Variants in HOXD12 observed in about 807,000 individuals in gnomAD.
HOXD12 encodes homeobox protein Hox-D12.
HOXD12 carries 21 observed loss-of-function variants against 20.2 expected under a neutral mutation model. That is an observed-to-expected ratio of 1.04 (90% CI 0.74 to 1.50). The LOEUF (loss-of-function observed/expected upper bound fraction) is 1.50. HOXD12 is among the 40% of genes most tolerant of loss of function. HOXD12 has a pLI of 0.00. For synonymous variants in HOXD12, 196 were observed against 168.8 expected, an observed-to-expected ratio of 1.16 and a Z score of -1.25; for missense variants, 472 against 365.5, an observed-to-expected ratio of 1.29 and a Z score of -2.38.
At position 176,100,871 on chromosome 2, in the gene HOXD12, T is replaced by G. The variant is rs1689485679; in HGVS notation, c.*111T>G. On this transcript the variant is annotated 3_prime_UTR_variant, in exon 2 of 2. Coordinates refer to ENST00000406506, the MANE Select transcript of HOXD12 (RefSeq NM_021193.4). Reference sequence around the variant, plus strand: ...GCTTTTCCTTCGGTTCCTTCTCTGCTGGCCCCAGAAGCCACCAAGAGATTT... The same window carrying G: ...GCTTTTCCTTCGGTTCCTTCTCTGCGGGCCCCAGAAGCCACCAAGAGATTT... 1 of 742,956 alleles carries G rather than the reference T, an allele frequency of 1.3e-6. No individual in the cohort carries two copies. The highest frequency in any genetic ancestry group is 2.7e-5 in the East Asian group (1 of 37,188). The allele number at this position is 742,956 out of a possible 1,614,324, so 46.0% of individuals were successfully genotyped here.
chr2:176,100,341 C>A lies in HOXD12; in HGVS notation c.540C>A (p.Gly180=). The change falls in exon 1 of 2, where the codon GGC becomes GGA. Residue 180 remains glycine (G), a synonymous_variant. Coordinates refer to ENST00000406506, the MANE Select transcript of HOXD12 (RefSeq NM_021193.4). ...TGAACATGACAGTGCAGGCGGCGGG[C>A]GTTGCCTCTTGCCTGCGACCTTCAC... is the stretch of plus-strand genomic sequence containing the variant. The part of the protein sequence containing the change: ...LNLNMTVQAA[G]VASCLRPSLP... 1 of 1,612,636 alleles carries A rather than the reference C, an allele frequency of 6.2e-7. No homozygotes were observed. Among genetic ancestry groups the A allele is most frequent in the Non-Finnish European group, 8.5e-7 (1 of 1,179,848 alleles).
chr2:176,100,616 C>T lies in HOXD12; in HGVS notation c.669C>T (p.Val223=), dbSNP rs1380723016. Residue 223 remains valine, a synonymous_variant, in exon 2 of 2, where the codon GTC becomes GTT. Transcript: ENST00000406506. ...QIAELENEFL[V]NEFINRQKRK... ...CGGAGTTGGAGAACGAATTCCTCGT[C>T]AACGAATTCATCAACAGGCAGAAAC... 6.2e-7 allele frequency: 1 copy of T among 1,613,458 alleles called. No individual in the cohort carries two copies. The highest frequency in any genetic ancestry group is 2.2e-5 in the East Asian group (1 of 44,866).
In HOXD12 at chr2:176,099,835, G is replaced by A. The variant is rs1689461320; in HGVS notation, c.34G>A (p.Val12Met). ...CERSLYRAGY[V>M]GSLLNLQSPD... ...GCGCAGTCTCTACAGAGCGGGCTAT[G>A]TGGGCTCGCTTCTGAATCTGCAGTC... Residue 12 changes from valine to methionine, a missense_variant, in exon 1 of 2, where the codon GTG (valine) becomes ATG (methionine). Transcript: ENST00000406506. 6.5e-7 allele frequency: 1 copy of A among 1,548,994 alleles called. No individual in the cohort carries two copies. The highest frequency in any genetic ancestry group is 8.7e-7 in the Non-Finnish European group (1 of 1,154,662).
rs1298964850 is a variant in HOXD12, at chr2:176,102,078, T to C, written c.*1318T>C. On this transcript the variant is annotated 3_prime_UTR_variant, in exon 2 of 2. Coordinates refer to ENST00000406506, the MANE Select transcript of HOXD12 (RefSeq NM_021193.4). ...GTTCCCAAATGCCAGGTGGAGTTGT[T>C]CTGGGTGTACTGGAGTGTCCCGCCT... 6.6e-6 allele frequency among the ~76,000 whole-genome samples: 1 copy of C among 152,212 alleles called. No individual in the cohort carries two copies. Among genetic ancestry groups the C allele is most frequent in the African/African-American group, 2.4e-5 (1 of 41,452 alleles).
Position 176,100,209 on chromosome 2 carries a change from G to C in HOXD12, c.408G>C (p.Lys136Asn), listed in dbSNP as rs1229035328. The C allele has an allele frequency of 1.2e-6, 2 of 1,612,338 alleles. No homozygotes were observed. Among genetic ancestry groups the C allele is most frequent in the Non-Finnish European group, 1.7e-6 (2 of 1,179,786 alleles). Residue 136 changes from lysine (K) to asparagine (N), a missense_variant, in exon 1 of 2, where the codon AAG becomes AAC. Physicochemically the swap from Lys to Asn is moderately conservative, Grantham distance 94 (BLOSUM62 0). Transcript: ENST00000406506. ...APAVAALKAA[K>N]YDYAGVGRAT... ...CAGTGGCTGCTCTCAAAGCGGCCAA[G>C]TATGACTACGCTGGTGTGGGTCGTG...
At position 176,100,378 on chromosome 2, in the gene HOXD12, A is replaced by G; in HGVS notation, c.574+3A>G. 4 of 1,612,384 alleles carry G rather than the reference A, an allele frequency of 2.5e-6. No homozygotes were observed. The highest frequency in any genetic ancestry group is 3.4e-6 in the Non-Finnish European group (4 of 1,179,670). ...CCTGCGACCTTCACTGCCCGACGGTAAACGGTGCCCATGCTCCCCGGGCCG... is the reference window on the plus strand; with the variant it reads ...CCTGCGACCTTCACTGCCCGACGGTGAACGGTGCCCATGCTCCCCGGGCCG... On this transcript the variant is annotated splice_donor_region_variant and intron_variant, in intron 1 of 1. Coordinates refer to ENST00000406506, the MANE Select transcript of HOXD12 (RefSeq NM_021193.4).
Position 176,100,782 on chromosome 2 carries a change from G to T in HOXD12, c.*22G>T. The T allele has an allele frequency of 2.0e-6, 3 of 1,530,206 alleles. No homozygotes were observed. Among genetic ancestry groups the T allele is most frequent in the Non-Finnish European group, 2.7e-6 (3 of 1,107,640 alleles). 94.8% of individuals were successfully genotyped at this position (1,530,206 alleles called of 1,614,324 possible). On this transcript the variant is annotated 3_prime_UTR_variant, in exon 2 of 2. Coordinates refer to ENST00000406506, the MANE Select transcript of HOXD12 (RefSeq NM_021193.4). ...CTAGCCGCGCGCGTGGCCAGGGCCG[G>T]GTTGGATCTGCCCTTTTGGACAGAG...
In HOXD12 at chr2:176,099,978, C is replaced by A. The variant is rs1559110816; in HGVS notation, c.177C>A (p.Ala59=). Residue 59 remains alanine (A), a synonymous_variant, in exon 1 of 2, where the codon GCC becomes GCA. Coordinates refer to ENST00000406506, the MANE Select transcript of HOXD12 (RefSeq NM_021193.4). ...LPWAATPASC[A]PAQPAGATAF... The stretch of plus-strand genomic sequence containing the variant: ...GGGCCGCCACGCCCGCCTCCTGCGC[C>A]CCCGCGCAGCCTGCGGGCGCCACTG... 1 of 1,590,350 alleles carries A rather than the reference C, an allele frequency of 6.3e-7. No individual in the cohort carries two copies. The highest frequency in any genetic ancestry group is 8.6e-7 in the Non-Finnish European group (1 of 1,168,772).
intron 1 of HOXD12, 72 bp downstream of exon 1, chr2:176,100,447 G>A: frequency 6.3e-7 from 1 of 1,596,974 alleles, no homozygotes; most frequent in Non-Finnish European, 8.6e-7. Context: ...AGAGTGTAAG[G>A]GGAGGTGAAC....
Position 176,099,936 on chromosome 2 carries a change from G to C in HOXD12, c.135G>C (p.Pro45=), listed in dbSNP as rs768830297. The C allele has an allele frequency of 4.4e-6, 7 of 1,592,324 alleles. No individual in the cohort carries two copies. The Admixed American group carries it at 5.3e-5, about 12-fold the overall frequency. The change falls in exon 1 of 2, where the codon CCG becomes CCC. Residue 45 remains proline (P), a synonymous_variant. Coordinates refer to ENST00000406506, the MANE Select transcript of HOXD12 (RefSeq NM_021193.4). ...CCGCGCTTCCCCCTATCTCCTACCCGCGCGGCGCGCTGCCCTGGGCCGCCA... is the reference window on the plus strand; with the variant it reads ...CCGCGCTTCCCCCTATCTCCTACCCCCGCGGCGCGCTGCCCTGGGCCGCCA... The part of the protein sequence containing the change: ...QLAALPPISY[P]RGALPWAATP...
intron 1 of HOXD12, 64 bp from the exon 2 acceptor site, chr2:176,100,458 C>T: frequency 6.3e-7 from 1 of 1,589,384 alleles, no homozygotes; most frequent in East Asian, 2.3e-5. Context: ...GGAGGTGAAC[C>T]GCCTGGGGGC....
chr2:176,100,569 C>T lies in HOXD12; in HGVS notation c.622C>T (p.Pro208Ser). Residue 208 changes from proline (P) to serine (S), a missense_variant, in exon 2 of 2, where the codon CCC becomes TCC. By Grantham distance (74) the Pro-to-Ser change is moderately conservative. Coordinates refer to ENST00000406506, the MANE Select transcript of HOXD12 (RefSeq NM_021193.4). ...GGGGAGGGCCCGCAAGAAGCGGAAA[C>T]CCTACACGAAGCAGCAGATTGCGGA... The part of the protein sequence containing the change: ...APGRARKKRK[P>S]YTKQQIAELE... 1.2e-6 allele frequency: 2 copies of T among 1,611,914 alleles called. No individual in the cohort carries two copies. The highest frequency in any genetic ancestry group is 1.7e-6 in the Non-Finnish European group (2 of 1,178,996).
In HOXD12 at chr2:176,100,588, T is replaced by A; in HGVS notation, c.641T>A (p.Ile214Asn). The change falls in exon 2 of 2, where the codon ATT becomes AAT. Residue 214 changes from isoleucine (I) to asparagine (N), a missense_variant. Coordinates refer to ENST00000406506, the MANE Select transcript of HOXD12 (RefSeq NM_021193.4). The part of the protein sequence containing the change: ...KKRKPYTKQQ[I>N]AELENEFLVN... ...CGGAAACCCTACACGAAGCAGCAGA[T>A]TGCGGAGTTGGAGAACGAATTCCTC... 1 of 1,612,972 alleles carries A rather than the reference T, an allele frequency of 6.2e-7. No individual in the cohort carries two copies. Among genetic ancestry groups the A allele is most frequent in the Non-Finnish European group, 8.5e-7 (1 of 1,179,486 alleles).
rs371620811 is a variant in HOXD12, at chr2:176,100,187, T to C, written c.386T>C (p.Val129Ala). Residue 129 changes from valine (V) to alanine (A), a missense_variant, in exon 1 of 2, where the codon GTG becomes GCG. Transcript: ENST00000406506. ...CCCGAGTCTAGCCTGGCTCCTGCAG[T>C]GGCTGCTCTCAAAGCGGCCAAGTAT... is the stretch of plus-strand genomic sequence containing the variant. ...FAPESSLAPA[V>A]AALKAAKYDY... is the part of the protein sequence containing the mutation. The C allele has an allele frequency of 9.4e-5, 152 of 1,612,074 alleles. No homozygotes were observed. The highest frequency in any genetic ancestry group is 8.3e-4 in the South Asian group (76 of 91,072).
In HOXD12 at chr2:176,100,005, C is replaced by T. The variant is rs376832205; in HGVS notation, c.204C>T (p.Ala68=). 4.5e-6 allele frequency: 7 copies of T among 1,561,110 alleles called. No homozygotes were observed. The African/African-American group carries it at 8.1e-5, about 18-fold the overall frequency. Residue 68 remains alanine (A), a synonymous_variant, in exon 1 of 2, where the codon GCC becomes GCT. Coordinates refer to ENST00000406506, the MANE Select transcript of HOXD12 (RefSeq NM_021193.4). ...CAPAQPAGAT[A]FGGFSQPYLA... The stretch of plus-strand genomic sequence containing the variant: ...CCGCGCAGCCTGCGGGCGCCACTGC[C>T]TTCGGCGGCTTCTCGCAGCCCTACC...
rs1449714482 is a variant in HOXD12 at position 176,101,548 on chromosome 2, C to T, written c.*788C>T. ...TCCAGACAAGACTGGCAAACATTGC[C>T]CTACTCCCACCTTCTCAAACATGCC... On this transcript the variant is annotated 3_prime_UTR_variant, in exon 2 of 2. Coordinates refer to ENST00000406506, the MANE Select transcript of HOXD12 (RefSeq NM_021193.4). Among the ~76,000 whole-genome samples, 1 of 152,124 alleles carries T rather than the reference C, an allele frequency of 6.6e-6. No individual in the cohort carries two copies.
Position 176,101,672 on chromosome 2 carries a change from GA to G in HOXD12, c.*917del, listed in dbSNP as rs1205147073. On this transcript the variant is annotated 3_prime_UTR_variant, in exon 2 of 2. Transcript: ENST00000406506. ...TGAAGCTCTGTTGCACAGGGAGAGG[GA>G]AAAATATCCAGGGGAGGAGAAGGGA... Among the ~76,000 whole-genome samples, 1 of 152,178 alleles carries G rather than the reference GA, an allele frequency of 6.6e-6. No individual in the cohort carries two copies. Among genetic ancestry groups the G allele is most frequent in the Non-Finnish European group, 1.5e-5 (1 of 68,016 alleles).
chr2:176,100,277 C>T lies in HOXD12; in HGVS notation c.476C>T (p.Ala159Val), dbSNP rs868390508. ...STTLLQGAPCAPGFKDDTKGP... is the reference protein window; with the variant it reads ...STTLLQGAPCVPGFKDDTKGP... Reference sequence around the variant, plus strand: ...ACCCTGCTCCAGGGGGCTCCCTGCGCCCCTGGCTTCAAGGACGACACCAAG... The same window carrying T: ...ACCCTGCTCCAGGGGGCTCCCTGCGTCCCTGGCTTCAAGGACGACACCAAG... The change falls in exon 1 of 2, where the codon GCC becomes GTC. Residue 159 changes from alanine to valine, a missense_variant. Physicochemically the swap from Ala to Val is moderately conservative, Grantham distance 64. Coordinates refer to ENST00000406506, the MANE Select transcript of HOXD12 (RefSeq NM_021193.4). 6 of 1,612,612 alleles carry T rather than the reference C, an allele frequency of 3.7e-6. No homozygotes were observed. Among genetic ancestry groups the T allele is most frequent in the Non-Finnish European group, 5.1e-6 (6 of 1,179,842 alleles).
At position 176,100,140 on chromosome 2, in the gene HOXD12, T is replaced by C. The variant is rs756748039; in HGVS notation, c.339T>C (p.Gly113=). ...CGGCCGCTGGGCCAGAGGAGCGCGG[T>C]CGTACCCGGCCGTCCTTCGCCCCCG... is the stretch of plus-strand genomic sequence containing the variant. ...PEAAAGPEER[G]RTRPSFAPES... The change falls in exon 1 of 2, where the codon GGT becomes GGC. Residue 113 remains glycine (G), a synonymous_variant. Coordinates refer to ENST00000406506, the MANE Select transcript of HOXD12 (RefSeq NM_021193.4). The C allele has an allele frequency of 6.2e-7, 1 of 1,610,814 alleles. No homozygotes were observed. Among genetic ancestry groups the C allele is most frequent in the Non-Finnish European group, 8.5e-7 (1 of 1,179,580 alleles).
Sources: allele counts gnomAD v4.1 joint callset (sites outside exome capture counted in the v4.1 genomes callset), GRCh38; gene constraint gnomAD v4.1.1; transcripts MANE v1.5; gene names NCBI Gene and HGNC (gene_info 2026-07-23, HGNC 2026-07-21).